Variants in CNBD2 observed in about 807,000 individuals in gnomAD.
CNBD2 encodes cyclic nucleotide binding domain containing 2.
A neutral mutation model predicts 63.7 loss-of-function variants in CNBD2; 64 were observed. That is an observed-to-expected ratio of 1.00 (90% CI 0.82 to 1.24). The LOEUF (loss-of-function observed/expected upper bound fraction) is 1.24. Ranked by LOEUF, CNBD2 falls within the 50% of genes most tolerant of loss-of-function variation. The pLI, the probability that CNBD2 is intolerant of heterozygous loss-of-function variation, is 0.00. For synonymous variants in CNBD2, 229 were observed against 255.4 expected (o/e 0.90, Z 0.99); for missense variants, 691 against 713.5 (o/e 0.97, Z 0.36).
At chr20:35,954,386 A>C (rs527906457), upstream of CNBD2, 40 of 1,568,390 alleles carry the variant, frequency 2.6e-5, no homozygotes, top group Middle Eastern at 1.7e-4. Context: ...GTTAAAGGGC[A>C]GAGCTCGCGT....
Position 35,980,501 on chromosome 20 carries a change from C to G in CNBD2, c.286C>G (p.Pro96Ala), listed in dbSNP as rs184047696. 9.7e-5 allele frequency: 157 copies of G among 1,614,198 alleles called. No homozygotes were observed. The Middle Eastern group carries it at 1.5e-3, about 15-fold the overall frequency. ...GGCCATTCAGATCATGCAGAAGAAG[C>G]CTTCCTGGAGAACAGAGGATGAGAT... ...PKAIQIMQKK[P>A]SWRTEDEIQA... is the part of the protein sequence containing the mutation. Residue 96 changes from proline to alanine, a missense_variant, in exon 4 of 12, where the codon CCT becomes GCT. Coordinates refer to ENST00000373973, the MANE Select transcript of CNBD2 (RefSeq NM_001365709.1).
At chr20:35,973,052 C>A in intron 2 of CNBD2, 1 of 487,776 alleles carries the variant, frequency 2.1e-6, no homozygotes, top group South Asian at 4.7e-5. Flanking sequence ...AGGCCTGCTG[C>A]CAAAACTCAT....
At chr20:35,970,332 T>G (rs1163998024) in intron 1 of CNBD2, among the ~76,000 whole-genome samples, 2 of 152,234 alleles carry the variant, frequency 1.3e-5, no homozygotes, top group East Asian at 3.8e-4. Flanking sequence ...TTCCAGTCTG[T>G]AGTTCGTTGT....
chr20:35,997,088 T>A (rs2056835257), intron 8 of CNBD2, among the ~76,000 whole-genome samples: 1 of 152,188 alleles, frequency 6.6e-6, no homozygotes, highest in Non-Finnish European at 1.5e-5. Flanking sequence ...CATTCACAGC[T>A]CTGTAATGGC....
At chr20:36,020,209 A>C (rs1377148940) in intron 10 of CNBD2, among the ~76,000 whole-genome samples, 2 of 151,934 alleles carry the variant, frequency 1.3e-5, no homozygotes, top group Non-Finnish European at 2.9e-5. Context: ...CAGCCTCCCA[A>C]GTAGCTGGGA....
intron 3 of CNBD2, among the ~76,000 whole-genome samples, chr20:35,980,149 G>T (rs1159439184): frequency 6.6e-6 from 1 of 152,202 alleles, no homozygotes; most frequent in Non-Finnish European, 1.5e-5. Context: ...AGGGAAGCCT[G>T]TATTGCCTGG....
chr20:36,006,037 T>C (rs1403312126), intron 8 of CNBD2, among the ~76,000 whole-genome samples: 2 of 150,128 alleles, frequency 1.3e-5, no homozygotes, highest in African/African-American at 4.9e-5. Flanking sequence ...TTTTTTTTCT[T>C]TTTTTTTTTG....
At chr20:35,964,959 C>T (rs1376491597), upstream of CNBD2, among the ~76,000 whole-genome samples, 1 of 152,054 alleles carries the variant, frequency 6.6e-6, no homozygotes, top group African/African-American at 2.4e-5. Context: ...CCTTGGTCTC[C>T]CAAAGTGCTG....
chr20:36,013,997 C>G (rs538631625), intron 10 of CNBD2, among the ~76,000 whole-genome samples: 1 of 151,908 alleles, frequency 6.6e-6, no homozygotes, highest in East Asian at 1.9e-4. Context: ...CTGGCTAACA[C>G]AGTGAAACCC....
At chr20:35,968,972 T>A (rs2056374431) in intron 1 of CNBD2, among the ~76,000 whole-genome samples, 159 bp downstream of exon 1, 1 of 152,162 alleles carries the variant, frequency 6.6e-6, no homozygotes, top group South Asian at 2.1e-4. Context: ...ACCCCTGCCC[T>A]GTAGCCTACC....
intron 6 of CNBD2, 71 bp downstream of exon 6, chr20:35,984,849 G>A (rs1173971876): frequency 2.7e-6 from 4 of 1,497,752 alleles, no homozygotes; most frequent in Middle Eastern, 1.7e-4. Flanking sequence ...GTCTGTCCTA[G>A]GCCTGGTGGG....
upstream of CNBD2, among the ~76,000 whole-genome samples, chr20:35,963,847 C>A (rs1665990842): frequency 6.6e-6 from 1 of 152,062 alleles, no homozygotes; most frequent in African/African-American, 2.4e-5. Context: ...GAATTTTTGA[C>A]CTGAAAGAGG....
At chr20:35,994,813 C>T (rs1289888205) in intron 7 of CNBD2, among the ~76,000 whole-genome samples, 1 of 151,964 alleles carries the variant, frequency 6.6e-6, no homozygotes, top group Non-Finnish European at 1.5e-5. Context: ...CGCTTGAACT[C>T]AGGAGGCAGA....
chr20:35,955,428 A>ACATT (rs1220357146), downstream of CNBD2: 1 of 152,240 alleles, frequency 6.6e-6, no homozygotes, highest in Non-Finnish European at 1.5e-5. Flanking sequence ...TGTGCAGTTT[A>ACATT]CATTATATTT....
intron 11 of CNBD2, among the ~76,000 whole-genome samples, chr20:36,026,016 C>G (rs1160731066): frequency 6.6e-6 from 1 of 152,020 alleles, no homozygotes; most frequent in Non-Finnish European, 1.5e-5. Context: ...GGTGACATGT[C>G]TCTCCACCCC....
chr20:35,973,202 A>G, intron 2 of CNBD2: 1 of 196,674 alleles, frequency 5.1e-6, no homozygotes, highest in Non-Finnish European at 1.0e-5. Context: ...CTACTAATAC[A>G]CCTCCCTCCA....
intron 10 of CNBD2, among the ~76,000 whole-genome samples, chr20:36,017,092 C>T (rs942462752): frequency 1.4e-5 from 2 of 147,916 alleles, no homozygotes; most frequent in Non-Finnish European, 1.5e-5. Context: ...GTTGTGGGAG[C>T]GAGGGCAGTA....
At chr20:35,975,605 C>G (rs2056505315) in intron 2 of CNBD2, among the ~76,000 whole-genome samples, 1 of 151,660 alleles carries the variant, frequency 6.6e-6, no homozygotes, top group Non-Finnish European at 1.5e-5. Context: ...CAGCCTGTTC[C>G]TTTCTTTTTA....
intron 3 of CNBD2, among the ~76,000 whole-genome samples, chr20:35,979,251 T>A (rs1392833579): frequency 3.3e-5 from 5 of 152,116 alleles, no homozygotes; most frequent in African/African-American, 1.2e-4. Context: ...CCTAGATCTG[T>A]GTGTGGTTGT....
Sources: allele counts gnomAD v4.1 joint callset (sites outside exome capture counted in the v4.1 genomes callset), GRCh38; gene constraint gnomAD v4.1.1; transcripts MANE v1.5; gene names NCBI Gene and HGNC (gene_info 2026-07-23, HGNC 2026-07-21).